HDAC9: variants seen among roughly 807,000 people sequenced by gnomAD.
HDAC9 encodes histone deacetylase 9, also known as MEF-2 interacting transcription repressor (MITR) protein.
A neutral mutation model predicts 139.4 loss-of-function variants in HDAC9; 41 were observed. The observed-to-expected ratio is 0.29, with a 90% CI of 0.23 to 0.38. The LOEUF (loss-of-function observed/expected upper bound fraction) is 0.38. Ranked by LOEUF, HDAC9 falls within the 10% of genes least tolerant of loss-of-function variation. The pLI is 1.00. For missense variants in HDAC9, 1,147 were observed against 1,297.0 expected (o/e 0.88, Z 1.78); for synonymous variants, 517 against 476.2 (o/e 1.09, Z -1.12).
chr7:18,630,605 A>G (rs1292891879), intron 7 of HDAC9, among the ~76,000 whole-genome samples: 1 of 152,134 alleles, frequency 6.6e-6, no homozygotes, highest in Non-Finnish European at 1.5e-5. Context: ...AGTGATTTCA[A>G]TGGAAAGTAT....
At chr7:18,166,387 T>C (rs1788014021) in intron 2 of HDAC9, among the ~76,000 whole-genome samples, 1 of 152,236 alleles carries the variant, frequency 6.6e-6, no homozygotes, top group Non-Finnish European at 1.5e-5. Flanking sequence ...AGATCTTATA[T>C]TCTGTTCATT....
At chr7:18,695,055 A>C (rs1056676038) in intron 12 of HDAC9, among the ~76,000 whole-genome samples, 1 of 152,192 alleles carries the variant, frequency 6.6e-6, no homozygotes, top group Non-Finnish European at 1.5e-5. Context: ...ATTAGTAAGG[A>C]CATAAGTGAC....
chr7:18,206,178 G>A (rs1791497736), intron 2 of HDAC9, among the ~76,000 whole-genome samples: 1 of 152,102 alleles, frequency 6.6e-6, no homozygotes, highest in South Asian at 2.1e-4. Flanking sequence ...TGTGACTGAT[G>A]ATCATTTTTG....
chr7:18,230,002 C>T (rs2128182663), intron 2 of HDAC9, among the ~76,000 whole-genome samples: 1 of 152,206 alleles, frequency 6.6e-6, no homozygotes, highest in Non-Finnish European at 1.5e-5. Context: ...AGTGGCATTT[C>T]CTCTACTCCC....
At chr7:18,800,850 A>AATG (rs1290071450) in intron 17 of HDAC9, among the ~76,000 whole-genome samples, 6 of 152,004 alleles carry the variant, frequency 3.9e-5, no homozygotes, top group Non-Finnish European at 8.8e-5. Flanking sequence ...TAATAATAAT[A>AATG]ATAATAATTT....
At position 18,579,569 on chromosome 7, in the gene HDAC9, T is replaced by A. The variant is rs144100685; in HGVS notation, c.23-5712T>A. On this transcript the variant is annotated intron_variant, in intron 2 of 25. Coordinates refer to ENST00000686413, the MANE Select transcript of HDAC9 (RefSeq NM_178425.4). ...AAATCCAGAATTTTTAGTTCATATGTCGCATTGCCAGTGTTGTGAACAACC... is the reference window on the plus strand; with the variant it reads ...AAATCCAGAATTTTTAGTTCATATGACGCATTGCCAGTGTTGTGAACAACC... Among the ~76,000 whole-genome samples, 1,095 of 152,324 alleles carry A rather than the reference T, an allele frequency of 7.2e-3. 12 individuals carry two copies. Among genetic ancestry groups the A allele is most frequent in the African/African-American group, 0.025 (1,034 of 41,562 alleles).
At chr7:18,523,153 C>T (rs1248106639) in intron 2 of HDAC9, among the ~76,000 whole-genome samples, 1 of 152,156 alleles carries the variant, frequency 6.6e-6, no homozygotes, top group Non-Finnish European at 1.5e-5. Flanking sequence ...GCAAACCAGG[C>T]AGGAGACAGA....
At chr7:18,593,624 T>G (rs1044271593) in intron 5 of HDAC9, among the ~76,000 whole-genome samples, 2 of 152,122 alleles carry the variant, frequency 1.3e-5, no homozygotes, top group African/African-American at 4.8e-5. Context: ...GGCAGTAATC[T>G]CAAATTGTCA....
At chr7:18,162,275 G>A (rs758985527) in exon 2 of HDAC9, 61 of 1,523,052 alleles carry the variant, frequency 4.0e-5, no homozygotes, top group Non-Finnish European at 4.8e-5. Context: ...GCAGTTGAAC[G>A]ACAAAGGCTG....
upstream of HDAC9, among the ~76,000 whole-genome samples, chr7:18,289,748 C>A (rs888344396): frequency 6.6e-6 from 1 of 152,116 alleles, no homozygotes; most frequent in Non-Finnish European, 1.5e-5. Flanking sequence ...GGGATTGAAA[C>A]AGCAAAATCA....
chr7:18,120,074 A>G (rs899497678), intron 1 of HDAC9, among the ~76,000 whole-genome samples: 3 of 152,178 alleles, frequency 2.0e-5, no homozygotes, highest in Non-Finnish European at 4.4e-5. Context: ...GATAGTGACT[A>G]CTGTCTAGTA....
intron 21 of HDAC9, among the ~76,000 whole-genome samples, chr7:18,850,155 C>A (rs1417307361): frequency 6.7e-6 from 1 of 149,336 alleles, no homozygotes; most frequent in Non-Finnish European, 1.5e-5. Flanking sequence ...ATTCAGAAAT[C>A]ATGAATAGCA....
At chr7:18,768,660 A>G (rs1790029138) in intron 16 of HDAC9, among the ~76,000 whole-genome samples, 1 of 152,150 alleles carries the variant, frequency 6.6e-6, no homozygotes, top group African/African-American at 2.4e-5. Context: ...ATGGGGCAAA[A>G]AAATGAAACA....
At chr7:18,604,207 C>G (rs1001645731) in intron 6 of HDAC9, among the ~76,000 whole-genome samples, 1 of 151,784 alleles carries the variant, frequency 6.6e-6, no homozygotes, top group Admixed American at 6.6e-5. Context: ...AATATTTATT[C>G]TTTCTCTCTT....
chr7:18,608,058 A>G (rs1010205245), intron 6 of HDAC9, among the ~76,000 whole-genome samples: 3 of 152,184 alleles, frequency 2.0e-5, no homozygotes, highest in Non-Finnish European at 4.4e-5. Flanking sequence ...ATTTATTGAA[A>G]AATGATTCCT....
intron 2 of HDAC9, among the ~76,000 whole-genome samples, chr7:18,189,948 T>C (rs1350803284): frequency 6.6e-6 from 1 of 151,732 alleles, no homozygotes; most frequent in Non-Finnish European, 1.5e-5. Context: ...TGTGTGTGTG[T>C]GTACGTTTGA....
intron 2 of HDAC9, among the ~76,000 whole-genome samples, chr7:18,515,206 A>G (rs1802787223): frequency 6.6e-6 from 1 of 152,240 alleles, no homozygotes; most frequent in South Asian, 2.1e-4. Flanking sequence ...CAAGATAACA[A>G]GAGTATTTTT....
At chr7:18,246,256 G>A (rs1031055083) in intron 2 of HDAC9, among the ~76,000 whole-genome samples, 9 of 151,036 alleles carry the variant, frequency 6.0e-5, no homozygotes, top group African/African-American at 2.2e-4. Flanking sequence ...AGACTTAGAG[G>A]TGGAAGGGAG....
At position 18,620,996 on chromosome 7, in the gene HDAC9, T is replaced by C. The variant is rs549169701; in HGVS notation, c.665-8354T>C. 5.8e-4 allele frequency among the ~76,000 whole-genome samples: 89 copies of C among 152,320 alleles called. 1 individual carries two copies. In the South Asian group the frequency reaches 0.01, roughly 18 times the overall value. ...TGCTGTCTTTCGAAGCAAAACAATG[T>C]GTAGTACACCCAAGTGTCCAACATT... On this transcript the variant is annotated intron_variant, in intron 6 of 25. Coordinates refer to ENST00000686413, the MANE Select transcript of HDAC9 (RefSeq NM_178425.4).
Sources: allele counts gnomAD v4.1 joint callset (sites outside exome capture counted in the v4.1 genomes callset), GRCh38; gene constraint gnomAD v4.1.1; transcripts MANE v1.5; gene names NCBI Gene and HGNC (gene_info 2026-07-23, HGNC 2026-07-21).